Variants in TECRL observed in about 807,000 individuals in gnomAD.
TECRL encodes trans-2,3-enoyl-CoA reductase like, also known as trans-2,3-enoyl-CoA reductase-like.
TECRL carries 63 observed loss-of-function variants against 52.8 expected under a neutral mutation model. The observed-to-expected ratio is 1.19, with a 90% CI of 0.97 to 1.47. The LOEUF (loss-of-function observed/expected upper bound fraction) is 1.47, where lower values mean the gene tolerates loss of function less well. TECRL is among the 40% of genes most tolerant of loss of function. The pLI, the probability that TECRL is intolerant of heterozygous loss-of-function variation, is 0.00. For missense variants in TECRL, 482 were observed against 429.6 expected, an observed-to-expected ratio of 1.12 and a Z score of -1.08; for synonymous variants, 164 against 141.9, an observed-to-expected ratio of 1.16 and a Z score of -1.10.
At chr4:64,315,397 A>T (rs1717427413) in intron 4 of TECRL, among the ~76,000 whole-genome samples, 1 of 152,166 alleles carries the variant, frequency 6.6e-6, no homozygotes, top group Non-Finnish European at 1.5e-5. Context: ...AATTGAAAAA[A>T]GACGAAGTGA....
rs573870941 is a variant in TECRL at position 64,380,170 on chromosome 4, A to G, written c.235-4947T>C. Among the ~76,000 whole-genome samples, 351 of 152,106 alleles carry G rather than the reference A, an allele frequency of 2.3e-3. 1 individual carries two copies. The highest frequency in any genetic ancestry group is 3.8e-3 in the Non-Finnish European group (259 of 67,950). ...TTAGTGATGTTGACCACTTTGTTAT[A>G]TATCTGTTGGCCATTTGTATGTCTT... On this transcript the variant is annotated intron_variant, in intron 1 of 11. Coordinates refer to ENST00000381210, the MANE Select transcript of TECRL (RefSeq NM_001010874.5).
At chr4:64,344,542 T>A (rs1719813670) in intron 2 of TECRL, among the ~76,000 whole-genome samples, 1 of 152,324 alleles carries the variant, frequency 6.6e-6, no homozygotes, top group African/African-American at 2.4e-5. Context: ...ACTTGCTTAC[T>A]ATTCAAATGC....
intron 6 of TECRL, among the ~76,000 whole-genome samples, chr4:64,307,933 G>T (rs1185635992): frequency 2.6e-5 from 4 of 152,098 alleles, no homozygotes; most frequent in Non-Finnish European, 1.5e-5. Flanking sequence ...GATAATATGG[G>T]AAGATGGAGG....
intron 5 of TECRL, among the ~76,000 whole-genome samples, chr4:64,313,596 C>A (rs2110008613): frequency 1.3e-5 from 2 of 149,760 alleles, no homozygotes; most frequent in Middle Eastern, 6.9e-3. Flanking sequence ...ATTCTCCTGC[C>A]TCAGCCTCCC....
rs1309019628 is a variant in TECRL, at chr4:64,409,329, A to T, written c.23T>A (p.Leu8His). MFKRHKS[L>H]ASERKRALLS... ...TAATGCTCTCTTGCGTTCCGAAGCG[A>T]GGGACTTGTGCCTTTTGAACATTGT... The change falls in exon 1 of 12, where the codon CTC becomes CAC. Residue 8 changes from leucine to histidine, a missense_variant. Coordinates refer to ENST00000381210, the MANE Select transcript of TECRL (RefSeq NM_001010874.5). 6.2e-7 allele frequency: 1 copy of T among 1,613,466 alleles called. No homozygotes were observed. Among genetic ancestry groups the T allele is most frequent in the Admixed American group, 1.7e-5 (1 of 59,952 alleles).
chr4:64,346,030 A>G (rs189037423), intron 2 of TECRL, among the ~76,000 whole-genome samples: 3 of 151,956 alleles, frequency 2.0e-5, no homozygotes, highest in East Asian at 1.9e-4. Context: ...TAAACACAAC[A>G]CACACAAACA....
intron 2 of TECRL, among the ~76,000 whole-genome samples, chr4:64,352,667 T>C (rs1720479273): frequency 6.6e-6 from 1 of 152,202 alleles, no homozygotes; most frequent in Non-Finnish European, 1.5e-5. Context: ...TATAGTAAAA[T>C]TGAAGCTGCT....
rs1722646252 is a variant in TECRL, at chr4:64,278,236, C to T, written c.*1836G>A. ...TTAATTGTAAATTTCAGTATGATAA[C>T]ATACAATGTCTGTATTATTAACAAA... On this transcript the variant is annotated 3_prime_UTR_variant, in exon 12 of 12. Coordinates refer to ENST00000381210, the MANE Select transcript of TECRL (RefSeq NM_001010874.5). 2 of 151,486 alleles carry T rather than the reference C, an allele frequency of 1.3e-5. No individual in the cohort carries two copies. Among genetic ancestry groups the T allele is most frequent in the African/African-American group, 4.8e-5 (2 of 41,312 alleles). 9.4% of individuals were successfully genotyped at this position (151,486 alleles called of 1,614,324 possible).
At chr4:64,315,034 TAA>T (rs1323371176) in intron 4 of TECRL, among the ~76,000 whole-genome samples, 5 of 152,178 alleles carry the variant, frequency 3.3e-5, no homozygotes, top group Non-Finnish European at 7.4e-5. Context: ...TTTATTTTAA[TAA>T]ACTAACCATT....
chr4:64,359,393 A>T (rs1577931872), intron 2 of TECRL, among the ~76,000 whole-genome samples: 2 of 152,174 alleles, frequency 1.3e-5, no homozygotes, highest in South Asian at 4.1e-4. Flanking sequence ...ACTGTGGCAT[A>T]TTCAAATAGA....
At chr4:64,406,162 G>GCA (rs1444357477) in intron 1 of TECRL, among the ~76,000 whole-genome samples, 6 of 149,480 alleles carry the variant, frequency 4.0e-5, no homozygotes, top group East Asian at 2.1e-4. Context: ...GCGCGCGCGC[G>GCA]CGCGTGTGTG....
At chr4:64,302,782 T>C (rs987044096) in intron 7 of TECRL, among the ~76,000 whole-genome samples, 5 of 151,432 alleles carry the variant, frequency 3.3e-5, no homozygotes, top group Non-Finnish European at 7.4e-5. Context: ...ATTTGTTTAA[T>C]TGAAGTGTTT....
At chr4:64,386,919 T>C (rs1267834203) in intron 1 of TECRL, among the ~76,000 whole-genome samples, 4 of 152,142 alleles carry the variant, frequency 2.6e-5, no homozygotes, top group African/African-American at 7.2e-5. Context: ...AACGGATATA[T>C]CTACAATGAC....
intron 1 of TECRL, among the ~76,000 whole-genome samples, chr4:64,376,329 A>G (rs551907722): frequency 6.6e-6 from 1 of 152,030 alleles, no homozygotes; most frequent in East Asian, 1.9e-4. Context: ...AGTAACAGGT[A>G]TTTCAATTTG....
At chr4:64,313,886 C>A (rs1482553614) in intron 5 of TECRL, among the ~76,000 whole-genome samples, 1 of 147,670 alleles carries the variant, frequency 6.8e-6, no homozygotes, top group Non-Finnish European at 1.5e-5. Context: ...GTAATCCCAG[C>A]ACTTTGGGAA....
intron 2 of TECRL, among the ~76,000 whole-genome samples, chr4:64,332,225 C>T (rs1222659356): frequency 6.6e-6 from 1 of 152,104 alleles, no homozygotes; most frequent in Non-Finnish European, 1.5e-5. Flanking sequence ...AAAAATCAAA[C>T]TTTATGCACA....
chr4:64,335,619 C>T (rs1223174646), intron 2 of TECRL, among the ~76,000 whole-genome samples: 1 of 152,162 alleles, frequency 6.6e-6, no homozygotes, highest in Non-Finnish European at 1.5e-5. Context: ...GGGACTGCTG[C>T]TTTAGGGCAC....
At chr4:64,394,702 G>A (rs1330694424) in intron 1 of TECRL, among the ~76,000 whole-genome samples, 5 of 152,080 alleles carry the variant, frequency 3.3e-5, no homozygotes, top group South Asian at 2.1e-4. Context: ...CGTGGTGGAG[G>A]AGAGTAAAAT....
chr4:64,367,441 T>G (rs897258808), intron 2 of TECRL, among the ~76,000 whole-genome samples: 5 of 152,118 alleles, frequency 3.3e-5, no homozygotes, highest in Admixed American at 3.3e-4. Flanking sequence ...ATGCAATCAT[T>G]AATACATTCC....
Sources: allele counts gnomAD v4.1 joint callset (sites outside exome capture counted in the v4.1 genomes callset), GRCh38; gene constraint gnomAD v4.1.1; transcripts MANE v1.5; gene names NCBI Gene and HGNC (gene_info 2026-07-23, HGNC 2026-07-21).